EYA3: variants seen among roughly 807,000 people sequenced by gnomAD.
EYA3 encodes protein phosphatase EYA3.
In EYA3, 39 loss-of-function variants were observed where a neutral mutation model predicts 80.0. That is an observed-to-expected ratio of 0.49 (90% CI 0.38 to 0.64). The LOEUF (loss-of-function observed/expected upper bound fraction) is 0.64. EYA3 is among the 30% of genes least tolerant of loss of function. The pLI is 0.00. For synonymous variants in EYA3, 206 were observed against 232.8 expected (o/e 0.88, Z 1.05); for missense variants, 523 against 676.1 (o/e 0.77, Z 2.51).
At chr1:27,999,209 C>T (rs1367288223) in intron 12 of EYA3, among the ~76,000 whole-genome samples, 2 of 152,220 alleles carry the variant, frequency 1.3e-5, no homozygotes, top group Admixed American at 1.3e-4. Flanking sequence ...CAACTCATCC[C>T]TCTCCATAGA....
At chr1:27,985,308 G>T (rs1361960008) in intron 16 of EYA3, among the ~76,000 whole-genome samples, 1 of 151,862 alleles carries the variant, frequency 6.6e-6, no homozygotes, top group Admixed American at 6.6e-5. Context: ...TGAACCCCCG[G>T]GCTCAAGCAA....
Position 27,978,455 on chromosome 1 carries a change from C to G in EYA3, c.1560G>C (p.Glu520Asp). Residue 520 changes from glutamate (E) to aspartate (D), a missense_variant, in exon 17 of 18, where the codon GAG becomes GAC. By Grantham distance (45) the Glu-to-Asp change is conservative. Around this residue, in one of 2 missense-constraint regions of EYA3, gnomAD observed 219 missense variants for 332.8 expected, o/e 0.66. Coordinates refer to ENST00000373871, the MANE Select transcript of EYA3 (RefSeq NM_001990.4). Reference sequence around the variant, plus strand: ...TCTTTCCAAACCTTGACACAATTCTCTCAAAGCAGCTCTCCTTACCTGATG... The same window carrying G: ...TCTTTCCAAACCTTGACACAATTCTGTCAAAGCAGCTCTCCTTACCTGATG... Reference protein sequence around the residue: ...ATKIGKESCFERIVSRFGKKV... With the variant: ...ATKIGKESCFDRIVSRFGKKV... The G allele has an allele frequency of 6.2e-7, 1 of 1,614,028 alleles. No individual in the cohort carries two copies. The highest frequency in any genetic ancestry group is 8.5e-7 in the Non-Finnish European group (1 of 1,179,898).
chr1:28,025,449 T>C (rs1039785858), intron 7 of EYA3, among the ~76,000 whole-genome samples: 4 of 152,302 alleles, frequency 2.6e-5, no homozygotes, highest in Middle Eastern at 3.4e-3. Context: ...GCCCAGCTAA[T>C]GTCCTGCCTT....
At chr1:28,054,674 C>G (rs1389472475) in intron 2 of EYA3, among the ~76,000 whole-genome samples, 1 of 152,132 alleles carries the variant, frequency 6.6e-6, no homozygotes, top group Non-Finnish European at 1.5e-5. Context: ...GCCTGGGTAA[C>G]AGGGCAAAAC....
At chr1:28,085,322 T>A (rs902681408) in intron 1 of EYA3, among the ~76,000 whole-genome samples, 2 of 152,074 alleles carry the variant, frequency 1.3e-5, no homozygotes, top group East Asian at 1.9e-4. Flanking sequence ...TATGGTGGCA[T>A]GAACCTGTAG....
At chr1:28,056,504 T>C (rs1644443530) in intron 2 of EYA3, among the ~76,000 whole-genome samples, 1 of 152,174 alleles carries the variant, frequency 6.6e-6, no homozygotes, top group Admixed American at 6.5e-5. Context: ...GGCACTGATC[T>C]CTCCATGTCG....
At chr1:28,085,135 C>T (rs1291394624) in intron 1 of EYA3, among the ~76,000 whole-genome samples, 1 of 152,104 alleles carries the variant, frequency 6.6e-6, no homozygotes, top group African/African-American at 2.4e-5. Flanking sequence ...TGGAGGTATA[C>T]TTTGTTTCTT....
At chr1:28,006,511 C>A (rs1641286117) in intron 10 of EYA3, among the ~76,000 whole-genome samples, 1 of 152,104 alleles carries the variant, frequency 6.6e-6, no homozygotes, top group Non-Finnish European at 1.5e-5. Flanking sequence ...TAGAGACCAT[C>A]CTCGCTAACA....
chr1:27,978,217 A>G (rs1292276393), intron 17 of EYA3, among the ~76,000 whole-genome samples, 157 bp downstream of exon 17: 1 of 152,010 alleles, frequency 6.6e-6, no homozygotes, highest in Non-Finnish European at 1.5e-5. Context: ...CCATCTGGAG[A>G]AAAAAAAGAC....
intron 1 of EYA3, among the ~76,000 whole-genome samples, chr1:28,068,247 G>A (rs560076680): frequency 8.6e-5 from 13 of 151,106 alleles, no homozygotes; most frequent in Non-Finnish European, 1.5e-4. Context: ...CAGGAGAATC[G>A]CTTGAACCCG....
chr1:28,076,854 C>CTA (rs1373053412), intron 1 of EYA3, among the ~76,000 whole-genome samples: 8 of 149,692 alleles, frequency 5.3e-5, no homozygotes, highest in African/African-American at 1.7e-4. Flanking sequence ...GATTATCCTG[C>CTA]CTCAGCCTCC....
At chr1:28,078,537 A>G (rs1645305261) in intron 1 of EYA3, among the ~76,000 whole-genome samples, 1 of 151,302 alleles carries the variant, frequency 6.6e-6, no homozygotes, top group South Asian at 2.1e-4. Context: ...TATATTAACT[A>G]TTTCTTTTTC....
At position 28,010,705 on chromosome 1, in the gene EYA3, T is replaced by C; in HGVS notation, c.909+242A>G. ...TTTTAAATAGAGAACAGTATGACTTTACTTGTAACTCCCTCTGCTTTCTGA... is the reference window on the plus strand; with the variant it reads ...TTTTAAATAGAGAACAGTATGACTTCACTTGTAACTCCCTCTGCTTTCTGA... On this transcript the variant is annotated intron_variant, in intron 10 of 17. Coordinates refer to ENST00000373871, the MANE Select transcript of EYA3 (RefSeq NM_001990.4). The C allele has an allele frequency of 6.7e-6, 3 of 448,288 alleles. No homozygotes were observed. In the South Asian group the frequency reaches 8.6e-5, roughly 13 times the overall value. The allele number at this position is 448,288 out of a possible 1,614,324, so 27.8% of individuals were successfully genotyped here. A position where few individuals can be genotyped will look rare whatever the true frequency, so the allele number is the denominator to read the frequency against.
At chr1:28,025,629 T>C (rs1052661476) in intron 7 of EYA3, among the ~76,000 whole-genome samples, 1 of 152,156 alleles carries the variant, frequency 6.6e-6, no homozygotes, top group African/African-American at 2.4e-5. Context: ...ATACCTGCAA[T>C]TGTCATTAAT....
chr1:28,060,281 C>T (rs1017776208), intron 1 of EYA3, among the ~76,000 whole-genome samples: 2 of 152,024 alleles, frequency 1.3e-5, no homozygotes, highest in Non-Finnish European at 2.9e-5. Context: ...AAAACTAATT[C>T]GTTTTAAAAA....
At chr1:28,036,871 G>T (rs913273165) in intron 5 of EYA3, among the ~76,000 whole-genome samples, 1 of 151,990 alleles carries the variant, frequency 6.6e-6, no homozygotes, top group African/African-American at 2.4e-5. Flanking sequence ...CACCTTTGGG[G>T]GAAGAGGAAA....
At chr1:28,012,923 C>T (rs1641790111) in intron 9 of EYA3, among the ~76,000 whole-genome samples, 188 bp downstream of exon 9, 1 of 152,210 alleles carries the variant, frequency 6.6e-6, no homozygotes, top group Non-Finnish European at 1.5e-5. Context: ...GTTCCGTTCT[C>T]AGCATCAGGT....
intron 7 of EYA3, among the ~76,000 whole-genome samples, chr1:28,024,379 G>A (rs1273171398): frequency 6.6e-6 from 1 of 151,844 alleles, no homozygotes; most frequent in Non-Finnish European, 1.5e-5. Flanking sequence ...GAATTAGGCT[G>A]GGCGCAGTGG....
intron 2 of EYA3, among the ~76,000 whole-genome samples, chr1:28,050,186 T>TATG (rs1491193838): frequency 2.3e-5 from 3 of 132,278 alleles, no homozygotes; most frequent in Non-Finnish European, 3.3e-5. Flanking sequence ...TTATTATTAT[T>TATG]ATTATTATTA....
Sources: gnomAD v4.1 joint callset for allele counts (sites outside exome capture counted in the v4.1 genomes callset) on GRCh38, gnomAD v4.1.1 for gene constraint, gnomAD v4.1.1 regional missense constraint, MANE v1.5 for transcripts, NCBI Gene and HGNC (gene_info 2026-07-23, HGNC 2026-07-21) for gene names.